XKR3: variants seen among roughly 807,000 people sequenced by gnomAD.
XKR3 encodes XK related 3, also known as XK-related protein 3.
In XKR3, 27 loss-of-function variants were observed where a neutral mutation model predicts 40.3. The observed-to-expected ratio is 0.67, with a 90% CI of 0.49 to 0.92. The LOEUF (loss-of-function observed/expected upper bound fraction) is 0.92, where lower values mean the gene tolerates loss of function less well. Ranked by LOEUF, XKR3 falls within the 40% of genes least tolerant of loss-of-function variation. XKR3 has a pLI of 0.00. For missense variants in XKR3, 472 were observed against 537.6 expected (o/e 0.88, Z 1.21); for synonymous variants, 193 against 195.4 (o/e 0.99, Z 0.10).
intron 3 of XKR3, among the ~76,000 whole-genome samples, chr22:16,790,342 GAAAA>G (rs35876120): frequency 8.0e-6 from 1 of 124,534 alleles, no homozygotes; most frequent in Non-Finnish European, 1.7e-5. Flanking sequence ...CTTCCACGCA[GAAAA>G]AAAAAAAAAA....
rs116082340 is a variant in XKR3 at position 16,812,089 on chromosome 22, T to C, written c.-10-4006A>G. ...TATTTAGGGGCATATTTACAGGCAC[T>C]TGTTATAAGTGAAAAATTATCCAAC... is the stretch of plus-strand genomic sequence containing the variant. On this transcript the variant is annotated intron_variant, in intron 1 of 3. Coordinates refer to ENST00000684488, the MANE Select transcript of XKR3 (RefSeq NM_001386955.1). Among the ~76,000 whole-genome samples the C allele has an allele frequency of 3.4e-3, 523 of 152,266 alleles. 5 individuals carry two copies. Among genetic ancestry groups the C allele is most frequent in the African/African-American group, 0.012 (481 of 41,550 alleles).
In XKR3 at chr22:16,804,399, C is replaced by A. The variant is rs527977613; in HGVS notation, c.335+3340G>T. Among the ~76,000 whole-genome samples the A allele has an allele frequency of 2.6e-5, 4 of 152,022 alleles. No homozygotes were observed. The South Asian group carries it at 8.3e-4, about 32-fold the overall frequency. ...AGAAGAAAGTAAAAATATTTTACCCCAAAACATGTTTTTTTTCCCCTCATG... is the reference window on the plus strand; with the variant it reads ...AGAAGAAAGTAAAAATATTTTACCCAAAAACATGTTTTTTTTCCCCTCATG... On this transcript the variant is annotated intron_variant, in intron 2 of 3. Transcript: ENST00000684488.
chr22:16,786,542 C>T (rs1462784030), intron 3 of XKR3, among the ~76,000 whole-genome samples: 1 of 152,110 alleles, frequency 6.6e-6, no homozygotes, highest in Admixed American at 6.5e-5. Flanking sequence ...CTGAATAAAC[C>T]TCAGAGGGAA....
intron 2 of XKR3, among the ~76,000 whole-genome samples, chr22:16,806,469 G>GTTTT (rs35013347): frequency 5.4e-5 from 7 of 129,370 alleles, no homozygotes; most frequent in South Asian, 2.4e-4. Flanking sequence ...TATAGTTAAG[G>GTTTT]TTTTTTTTTT....
Position 16,799,944 on chromosome 22 carries a change from G to A in XKR3, c.416C>T (p.Thr139Ile). Residue 139 changes from threonine (T) to isoleucine (I), a missense_variant, in exon 3 of 4, where the codon ACA (threonine) becomes ATA (isoleucine). Thr to Ile is a moderately conservative substitution (Grantham distance 89). Transcript: ENST00000684488. ...QEKEETQVSITKRNTMLEREI... is the reference protein window; with the variant it reads ...QEKEETQVSIIKRNTMLEREI... ...CCTTTCCAGCATCGTGTTTCTCTTT[G>A]TGATGCTAACTTGAGTCTCTTCCTT... 1.2e-6 allele frequency: 2 copies of A among 1,613,996 alleles called. No homozygotes were observed. The highest frequency in any genetic ancestry group is 1.7e-6 in the Non-Finnish European group (2 of 1,179,984).
intron 1 of XKR3, among the ~76,000 whole-genome samples, chr22:16,811,737 G>A (rs1377914056): frequency 6.6e-6 from 1 of 152,144 alleles, no homozygotes; most frequent in Non-Finnish European, 1.5e-5. Flanking sequence ...GGCCGGGCAC[G>A]GTGGCTCACG....
At chr22:16,817,383 A>G (rs1223252685) in intron 1 of XKR3, among the ~76,000 whole-genome samples, 2 of 151,854 alleles carry the variant, frequency 1.3e-5, no homozygotes, top group South Asian at 2.1e-4. Flanking sequence ...AGGTAGTTAT[A>G]TCTTGTACGT....
chr22:16,825,230 G>A (rs1425972185), intron 1 of XKR3, among the ~76,000 whole-genome samples, 61 bp downstream of exon 1: 3 of 152,148 alleles, frequency 2.0e-5, no homozygotes, highest in African/African-American at 7.2e-5. Context: ...GCTGAGACAG[G>A]CAGAGGTCAA....
intron 3 of XKR3, among the ~76,000 whole-genome samples, chr22:16,788,882 A>G (rs1279805463): frequency 6.6e-6 from 1 of 152,096 alleles, no homozygotes; most frequent in Non-Finnish European, 1.5e-5. Context: ...AACAAAATAA[A>G]TAACAAAATC....
intron 1 of XKR3, among the ~76,000 whole-genome samples, chr22:16,816,782 T>C (rs745443863): frequency 7.2e-5 from 11 of 152,074 alleles, no homozygotes; most frequent in Non-Finnish European, 1.6e-4. Context: ...TGTAATTTAA[T>C]ATGAAAGTTG....
intron 3 of XKR3, among the ~76,000 whole-genome samples, chr22:16,791,419 T>A (rs1303685788): frequency 6.6e-6 from 1 of 152,048 alleles, no homozygotes; most frequent in African/African-American, 2.4e-5. Context: ...TCAAAAGATT[T>A]ATAATTACAG....
intron 1 of XKR3, among the ~76,000 whole-genome samples, chr22:16,810,006 G>T (rs1282917833): frequency 6.6e-6 from 1 of 152,150 alleles, no homozygotes; most frequent in Non-Finnish European, 1.5e-5. Context: ...CCCGCCTCAG[G>T]CTCCCAAACT....
intron 1 of XKR3, among the ~76,000 whole-genome samples, chr22:16,812,952 T>G (rs1185478245): frequency 6.6e-6 from 1 of 152,142 alleles, no homozygotes; most frequent in Non-Finnish European, 1.5e-5. Context: ...TTGTTGTAGA[T>G]TATCTTCATG....
chr22:16,817,749 AT>A, intron 1 of XKR3, among the ~76,000 whole-genome samples: 1 of 151,962 alleles, frequency 6.6e-6, no homozygotes, highest in Non-Finnish European at 1.5e-5. Flanking sequence ...AGCCATTTTT[AT>A]TTTTTTAAAA....
chr22:16,787,106 A>T (rs1331402439), intron 3 of XKR3, among the ~76,000 whole-genome samples: 7 of 151,836 alleles, frequency 4.6e-5, no homozygotes, highest in Admixed American at 2.6e-4. Context: ...ACAATAAAAT[A>T]AAAAAAATAC....
chr22:16,798,557 G>A (rs771008363), intron 3 of XKR3, among the ~76,000 whole-genome samples: 3 of 152,164 alleles, frequency 2.0e-5, no homozygotes, highest in Non-Finnish European at 2.9e-5. Flanking sequence ...CCATAGCAAA[G>A]ACATGGGATC....
At chr22:16,813,622 C>T (rs1304428142) in intron 1 of XKR3, among the ~76,000 whole-genome samples, 1 of 152,132 alleles carries the variant, frequency 6.6e-6, no homozygotes, top group Non-Finnish European at 1.5e-5. Context: ...GGCCCACCTC[C>T]ACATCTGGAA....
intron 3 of XKR3, among the ~76,000 whole-genome samples, chr22:16,791,274 C>A (rs1167410371): frequency 1.3e-5 from 2 of 148,942 alleles, no homozygotes; most frequent in South Asian, 4.3e-4. Context: ...GAAGACATTA[C>A]GTTGAGTGAA....
chr22:16,807,676 C>T, intron 2 of XKR3, 63 bp downstream of exon 2: 1 of 1,344,306 alleles, frequency 7.4e-7, no homozygotes, highest in Non-Finnish European at 1.0e-6. Context: ...ATCTTTTTAG[C>T]CATCTATTTA....
Sources: gnomAD v4.1 joint callset for allele counts (sites outside exome capture counted in the v4.1 genomes callset) on GRCh38, gnomAD v4.1.1 for gene constraint, MANE v1.5 for transcripts, NCBI Gene and HGNC (gene_info 2026-07-23, HGNC 2026-07-21) for gene names.